DRC11: variants seen among roughly 807,000 people sequenced by gnomAD.
The protein encoded by DRC11 is IQ and AAA domain-containing protein 1.
At chr2:236,322,336 G>A in the DRC11 span, among the ~76,000 whole-genome samples, 37 of 146,094 alleles carry the variant, frequency 2.5e-4, no homozygotes, top group South Asian at 6.5e-3. Flanking sequence ...CCGGGTTCAC[G>A]CCATTCTCCT....
At chr2:236,453,519 G>A in the DRC11 span, among the ~76,000 whole-genome samples, 1 of 152,166 alleles carries the variant, frequency 6.6e-6, no homozygotes, top group Non-Finnish European at 1.5e-5. The surrounding 1 kb of genome is among the most constrained non-coding windows in gnomAD (Gnocchi z 4.9). Context: ...GTCCTCTGCC[G>A]CAGATGCGTT....
At chr2:236,488,044 T>C in the DRC11 span, 1 of 1,605,190 alleles carries the variant, frequency 6.2e-7, no homozygotes. Context: ...GTCACTTTCT[T>C]GCCAAGCATC....
the DRC11 span, chr2:236,344,412 G>A: frequency 1.8e-5 from 11 of 619,412 alleles, no homozygotes; most frequent in East Asian, 3.0e-4. Context: ...TACAGTTAGG[G>A]CAGACAGAGA....
At chr2:236,314,096 T>C in the DRC11 span, among the ~76,000 whole-genome samples, 2 of 152,162 alleles carry the variant, frequency 1.3e-5, no homozygotes, top group Non-Finnish European at 2.9e-5. The surrounding 1 kb of genome is among the most constrained non-coding windows in gnomAD (Gnocchi z 4.5). Context: ...CAGAATAAAA[T>C]TGGTATGTTG....
chr2:236,423,503 A>AC, the DRC11 span, among the ~76,000 whole-genome samples: 1 of 152,222 alleles, frequency 6.6e-6, no homozygotes, highest in Non-Finnish European at 1.5e-5. Flanking sequence ...ACAATGAGAT[A>AC]CCATCTCACA....
chr2:236,459,576 C>CATACGTATATACGTATACGT, the DRC11 span, among the ~76,000 whole-genome samples: 1 of 126,240 alleles, frequency 7.9e-6, no homozygotes, highest in Non-Finnish European at 1.8e-5. Flanking sequence ...TATGTGTATA[C>CATACGTATATACGTATACGT]ATACGTATAT....
At chr2:236,310,193 G>A in the DRC11 span, among the ~76,000 whole-genome samples, 34 of 130,468 alleles carry the variant, frequency 2.6e-4, no homozygotes, top group African/African-American at 9.0e-4. The surrounding 1 kb of genome is among the most constrained non-coding windows in gnomAD (Gnocchi z 5.5). Flanking sequence ...GGTTGACCTG[G>A]GAAAGATCTA....
the DRC11 span, among the ~76,000 whole-genome samples, chr2:236,367,158 C>T: frequency 6.6e-6 from 1 of 150,722 alleles, no homozygotes; most frequent in Non-Finnish European, 1.5e-5. This position sits in a 1 kb window ranked among gnomAD's most constrained non-coding sequence, Gnocchi z 4.8. Context: ...CATGATGCTT[C>T]ATGGAAGTGT....
the DRC11 span, among the ~76,000 whole-genome samples, chr2:236,313,540 C>A: frequency 6.6e-6 from 1 of 152,146 alleles, no homozygotes; most frequent in Non-Finnish European, 1.5e-5. The surrounding 1 kb of genome is among the most constrained non-coding windows in gnomAD (Gnocchi z 4.5). Flanking sequence ...ATAGAACTAG[C>A]AATTGCACTC....
At chr2:236,357,310 T>G in the DRC11 span, among the ~76,000 whole-genome samples, 8 of 118,776 alleles carry the variant, frequency 6.7e-5, no homozygotes, top group East Asian at 2.4e-4. Context: ...TTCATATAGA[T>G]CTATATATTA....
chr2:236,335,448 G>T, the DRC11 span, among the ~76,000 whole-genome samples: 1 of 152,178 alleles, frequency 6.6e-6, no homozygotes, highest in Non-Finnish European at 1.5e-5. The surrounding 1 kb of genome is among the most constrained non-coding windows in gnomAD (Gnocchi z 5.6). Context: ...CCAGAGAAGT[G>T]TCTGGTGCAG....
chr2:236,389,408 G>A, the DRC11 span, among the ~76,000 whole-genome samples: 1 of 152,200 alleles, frequency 6.6e-6, no homozygotes, highest in Non-Finnish European at 1.5e-5. Context: ...GTATTCGGGT[G>A]GGAGTGACCC....
the DRC11 span, among the ~76,000 whole-genome samples, chr2:236,453,253 G>GAAGT: frequency 6.6e-6 from 1 of 152,204 alleles, no homozygotes; most frequent in Admixed American, 6.5e-5. The surrounding 1 kb of genome is among the most constrained non-coding windows in gnomAD (Gnocchi z 4.9). Context: ...CTTTTGAAAA[G>GAAGT]AAGTAATCTT....
the DRC11 span, among the ~76,000 whole-genome samples, chr2:236,341,118 C>T: frequency 1.3e-5 from 2 of 152,212 alleles, no homozygotes; most frequent in Non-Finnish European, 2.9e-5. Flanking sequence ...GCAGCAATTT[C>T]AATTTGCTAT....
At chr2:236,497,307 G>A in the DRC11 span, 1 of 1,613,940 alleles carries the variant, frequency 6.2e-7, no homozygotes. This position sits in a 1 kb window ranked among gnomAD's most constrained non-coding sequence, Gnocchi z 5.1. Flanking sequence ...TCTGGGGGTG[G>A]ACGAACTGGT....
the DRC11 span, among the ~76,000 whole-genome samples, chr2:236,435,528 T>C: frequency 6.6e-6 from 1 of 152,200 alleles, no homozygotes; most frequent in Non-Finnish European, 1.5e-5. Flanking sequence ...CAGTTCCACA[T>C]GGCTGGGGAG....
chr2:236,425,236 A>G, the DRC11 span, among the ~76,000 whole-genome samples: 1 of 151,938 alleles, frequency 6.6e-6, no homozygotes, highest in Non-Finnish European at 1.5e-5. Flanking sequence ...GAACTTCCAC[A>G]CTGTTTTCCA....
the DRC11 span, among the ~76,000 whole-genome samples, chr2:236,449,688 G>A: frequency 6.6e-6 from 1 of 152,184 alleles, no homozygotes; most frequent in Non-Finnish European, 1.5e-5. The surrounding 1 kb of genome is among the most constrained non-coding windows in gnomAD (Gnocchi z 5.1). Context: ...GCAGCAATCT[G>A]TTCTGAAAAT....
the DRC11 span, among the ~76,000 whole-genome samples, chr2:236,376,352 G>A: frequency 2.6e-5 from 4 of 152,148 alleles, no homozygotes; most frequent in South Asian, 4.1e-4. This position sits in a 1 kb window ranked among gnomAD's most constrained non-coding sequence, Gnocchi z 5.7. Context: ...ATCCTTGGCT[G>A]GATTTTGGAT....
Sources: gnomAD v4.1 joint callset for allele counts (sites outside exome capture counted in the v4.1 genomes callset) on GRCh38, gnomAD v4.1.1 for gene constraint, Gnocchi (gnomAD v3.1) non-coding constraint, MANE v1.5 for transcripts, NCBI Gene and HGNC (gene_info 2026-07-23, HGNC 2026-07-21) for gene names.